CLIP3: variants seen among roughly 807,000 people sequenced by gnomAD.
CLIP3 encodes CAP-Gly domain-containing linker protein 3.
In CLIP3, 15 loss-of-function variants were observed where a neutral mutation model predicts 59.4. The ratio of observed to expected loss-of-function variants is 0.25; its 90% confidence interval spans 0.17 to 0.39. CLIP3 has a LOEUF of 0.39. Among genes scored for constraint, CLIP3 ranks in the 10% least tolerant of loss-of-function variants. The pLI, the probability that CLIP3 is intolerant of heterozygous loss-of-function variation, is 1.00. For synonymous variants in CLIP3, 300 were observed against 321.6 expected, an observed-to-expected ratio of 0.93 and a Z score of 0.72; for missense variants, 495 against 765.7, an observed-to-expected ratio of 0.65 and a Z score of 4.17.
Position 36,019,199 on chromosome 19 carries a change from A to C in CLIP3, c.1026T>G (p.Val342=). ...GCTTGGGAGGGCAGATGAAGTACCGAACGCCCCCAACGCTGCCATCGTTCT... is the reference window on the plus strand; with the variant it reads ...GCTTGGGAGGGCAGATGAAGTACCGCACGCCCCCAACGCTGCCATCGTTCT... ...EGKNDGSVGG[V]RYFICPPKQG... The change falls in exon 8 of 14, where the codon GTT becomes GTG. Residue 342 remains valine (V), a synonymous_variant. Coordinates refer to ENST00000360535, the MANE Select transcript of CLIP3 (RefSeq NM_015526.3). 1.2e-6 allele frequency: 2 copies of C among 1,613,978 alleles called. No homozygotes were observed. The highest frequency in any genetic ancestry group is 8.5e-7 in the Non-Finnish European group (1 of 1,180,018).
At chr19:36,018,637 A>G (rs2145390729) in intron 9 of CLIP3, among the ~76,000 whole-genome samples, 1 of 151,738 alleles carries the variant, frequency 6.6e-6, no homozygotes, top group South Asian at 2.1e-4. Context: ...ATCTCCAAGG[A>G]TTCTTCCCTA....
intron 7 of CLIP3, among the ~76,000 whole-genome samples, chr19:36,022,276 C>A (rs1968972692): frequency 6.6e-6 from 1 of 152,096 alleles, no homozygotes; most frequent in African/African-American, 2.4e-5. Flanking sequence ...GTTCTAATGG[C>A]CTTACGCATT....
intron 2 of CLIP3, among the ~76,000 whole-genome samples, chr19:36,031,360 T>G (rs1969262587): frequency 6.6e-6 from 1 of 152,200 alleles, no homozygotes; most frequent in African/African-American, 2.4e-5. Context: ...TCTGAATTTA[T>G]CTGATTTCTG....
intron 9 of CLIP3, among the ~76,000 whole-genome samples, chr19:36,018,254 G>A (rs1336254952): frequency 6.6e-6 from 1 of 152,126 alleles, no homozygotes; most frequent in Non-Finnish European, 1.5e-5. Context: ...CCCAGAAACT[G>A]TCCTTTTAAA....
At chr19:36,030,816 C>T (rs1969233771) in intron 2 of CLIP3, among the ~76,000 whole-genome samples, 2 of 152,122 alleles carry the variant, frequency 1.3e-5, no homozygotes, top group African/African-American at 4.8e-5. Context: ...AGGGCCTTTG[C>T]ACTTGCTGCT....
chr19:36,017,761 C>T lies in CLIP3; in HGVS notation c.1345G>A (p.Glu449Lys), dbSNP rs1568539321. 6.2e-7 allele frequency: 1 copy of T among 1,614,136 alleles called. No individual in the cohort carries two copies. The highest frequency in any genetic ancestry group is 8.5e-7 in the Non-Finnish European group (1 of 1,180,026). Residue 449 changes from glutamate to lysine, a missense_variant, in exon 11 of 14, where the codon GAG (glutamate) becomes AAG (lysine). Physicochemically the swap from Glu to Lys is moderately conservative, Grantham distance 56. This residue lies in a region of CLIP3 where 179 missense variants were observed against 226.2 expected (regional missense o/e 0.79). Transcript: ENST00000360535. ...DFAPGYWYGIELDQPTGKHDG... is the reference protein window; with the variant it reads ...DFAPGYWYGIKLDQPTGKHDG... The stretch of plus-strand genomic sequence containing the variant: ...TGCTTGCCTGTGGGCTGGTCCAGCT[C>T]AATGCCATACCAGTAACCTGCAGCA...
Position 36,016,342 on chromosome 19 carries a change from GGTTTGTTT to G in CLIP3, c.1590-138_1590-131del. On this transcript the variant is annotated intron_variant, in intron 13 of 13. Transcript: ENST00000360535. The surrounding 1 kb of genome is among the most constrained non-coding windows in gnomAD (Gnocchi z 4.1). Reference sequence around the variant, plus strand: ...ATTCTGCCTCTACCTCTCTGGCTGTGGTTTGTTTGTTTGTTTGTTTTCTGAGATGGAGT... The same window carrying G: ...ATTCTGCCTCTACCTCTCTGGCTGTGGTTTGTTTGTTTTCTGAGATGGAGT... 1.9e-6 allele frequency: 2 copies of G among 1,062,236 alleles called. No homozygotes were observed. Among genetic ancestry groups the G allele is most frequent in the Non-Finnish European group, 2.8e-6 (2 of 704,764 alleles). 65.8% of individuals were successfully genotyped at this position (1,062,236 alleles called of 1,614,324 possible). A position where few individuals can be genotyped will look rare whatever the true frequency, so the allele number is the denominator to read the frequency against.
Position 36,026,310 on chromosome 19 carries a change from A to T in CLIP3, c.563-45T>A. On this transcript the variant is annotated intron_variant, in intron 5 of 13. Transcript: ENST00000360535. This position sits in a 1 kb window ranked among gnomAD's most constrained non-coding sequence, Gnocchi z 6.3. ...GGGGTTCCGGGTGAGCGCCTGTGGG[A>T]CCCCAGCCCTCCTCCCACCTCGGGG... 1.3e-6 allele frequency: 2 copies of T among 1,504,728 alleles called. No individual in the cohort carries two copies. The highest frequency in any genetic ancestry group is 1.8e-6 in the Non-Finnish European group (2 of 1,084,244). 93.2% of individuals were successfully genotyped at this position (1,504,728 alleles called of 1,614,324 possible).
In CLIP3 at chr19:36,032,192, C is replaced by T. The variant is rs1445341910; in HGVS notation, c.166G>A (p.Ala56Thr). 2 of 1,273,134 alleles carry T rather than the reference C, an allele frequency of 1.6e-6. No individual in the cohort carries two copies. Among genetic ancestry groups the T allele is most frequent in the Non-Finnish European group, 2.0e-6 (2 of 999,262 alleles). 78.9% of individuals were successfully genotyped at this position (1,273,134 alleles called of 1,614,324 possible). ...SAPAPLPKDY[A>T]FTFFDPNDPA... ...ATTCCAGGGTGGGGACAGTGGTTAC[C>T]GTAGTCCTTAGGGAGGGGGGCAGGT... Residue 56 changes from alanine to threonine, a missense_variant and splice_region_variant, in exon 2 of 14, where the codon GCT becomes ACT. Physicochemically the swap from Ala to Thr is moderately conservative, Grantham distance 58 (BLOSUM62 0). Transcript: ENST00000360535. This position sits in a 1 kb window ranked among gnomAD's most constrained non-coding sequence, Gnocchi z 4.3.
At chr19:36,021,786 T>G (rs540220458) in intron 7 of CLIP3, among the ~76,000 whole-genome samples, 6 of 152,196 alleles carry the variant, frequency 3.9e-5, no homozygotes, top group Admixed American at 2.6e-4. Context: ...GTGTGGTTAT[T>G]ATCATTATGG....
chr19:36,028,889 A>G (rs1465716789), intron 2 of CLIP3, among the ~76,000 whole-genome samples: 1 of 150,854 alleles, frequency 6.6e-6, no homozygotes, highest in Non-Finnish European at 1.5e-5. Context: ...GACTTCCCAC[A>G]CATCTTCACA....
intron 7 of CLIP3, among the ~76,000 whole-genome samples, chr19:36,020,535 G>A (rs1451269665): frequency 6.6e-6 from 1 of 151,844 alleles, no homozygotes; most frequent in Non-Finnish European, 1.5e-5. Context: ...ACCCAGGAGG[G>A]TTGCAGTGAG....
chr19:36,026,944 G>T lies in CLIP3; in HGVS notation c.400+8C>A. The T allele has an allele frequency of 2.0e-6, 3 of 1,532,944 alleles. No individual in the cohort carries two copies. The highest frequency in any genetic ancestry group is 1.8e-6 in the Non-Finnish European group (2 of 1,142,560). 95.0% of individuals were successfully genotyped at this position (1,532,944 alleles called of 1,614,324 possible). A position where few individuals can be genotyped will look rare whatever the true frequency, so the allele number is the denominator to read the frequency against. The stretch of plus-strand genomic sequence containing the variant: ...GGGGCTTATGACTTGGGGGTAGGGG[G>T]CCCTCACCGACTCCGTGGGCCCCAG... On this transcript the variant is annotated splice_region_variant and intron_variant, in intron 4 of 13. Coordinates refer to ENST00000360535, the MANE Select transcript of CLIP3 (RefSeq NM_015526.3). This position sits in a 1 kb window ranked among gnomAD's most constrained non-coding sequence, Gnocchi z 6.3.
chr19:36,028,877 T>C (rs1969183071), intron 2 of CLIP3, among the ~76,000 whole-genome samples: 2 of 152,032 alleles, frequency 1.3e-5, no homozygotes, highest in Admixed American at 6.6e-5. Context: ...TCACTCAGGA[T>C]AGACTTCCCA....
At chr19:36,017,088 C>T in intron 12 of CLIP3, 109 bp from the exon 13 acceptor site, 1 of 1,148,894 alleles carries the variant, frequency 8.7e-7, no homozygotes, top group African/African-American at 1.5e-5. Context: ...CAGTCCCCAC[C>T]TGGATCCTAC....
chr19:36,031,021 T>C (rs1969247914), intron 2 of CLIP3, among the ~76,000 whole-genome samples: 1 of 109,566 alleles, frequency 9.1e-6, no homozygotes, highest in African/African-American at 4.7e-5. Flanking sequence ...TTTTTTTTTT[T>C]TCTTTTTTTT....
rs750154353 is a variant in CLIP3, at chr19:36,029,451, A to AT, written c.167-2181dup. 3.5e-3 allele frequency among the ~76,000 whole-genome samples: 498 copies of AT among 142,382 alleles called. 2 individuals carry two copies. The highest frequency in any genetic ancestry group is 9.7e-3 in the East Asian group (47 of 4,856). The allele number at this position is 142,382 out of a possible 152,430, so 93.4% of individuals were successfully genotyped here. The stretch of plus-strand genomic sequence containing the variant: ...ACAGTATACATCACCATGCCCAGCA[A>AT]TTTTTTTTTTTTTTGTAGTGACAAC... On this transcript the variant is annotated intron_variant, in intron 2 of 13. Coordinates refer to ENST00000360535, the MANE Select transcript of CLIP3 (RefSeq NM_015526.3).
rs771100901 is a variant in CLIP3 at position 36,026,904 on chromosome 19, G to T, written c.400+48C>A. On this transcript the variant is annotated intron_variant, in intron 4 of 13. Coordinates refer to ENST00000360535, the MANE Select transcript of CLIP3 (RefSeq NM_015526.3). The surrounding 1 kb of genome is among the most constrained non-coding windows in gnomAD (Gnocchi z 6.3). ...GGGTGGTTTTCAGCGTGTTGGGTCT[G>T]GGGGCCTAGGCTTTGGGGCTTATGA... 43 of 1,524,708 alleles carry T rather than the reference G, an allele frequency of 2.8e-5. No individual in the cohort carries two copies. The Middle Eastern group carries it at 1.1e-3, about 38-fold the overall frequency. 94.4% of individuals were successfully genotyped at this position (1,524,708 alleles called of 1,614,324 possible). A position where few individuals can be genotyped will look rare whatever the true frequency, so the allele number is the denominator to read the frequency against.
intron 2 of CLIP3, among the ~76,000 whole-genome samples, chr19:36,029,446 C>T (rs1207337034): frequency 6.6e-6 from 1 of 151,516 alleles, no homozygotes; most frequent in Non-Finnish European, 1.5e-5. Context: ...TCACCATGCC[C>T]AGCAATTTTT....
Sources: gnomAD v4.1 joint callset for allele counts (sites outside exome capture counted in the v4.1 genomes callset) on GRCh38, gnomAD v4.1.1 for gene constraint, gnomAD v4.1.1 regional missense constraint, Gnocchi (gnomAD v3.1) non-coding constraint, MANE v1.5 for transcripts, NCBI Gene and HGNC (gene_info 2026-07-23, HGNC 2026-07-21) for gene names.